Variants in PHACTR2 observed in about 807,000 individuals in gnomAD.
PHACTR2 encodes chromosome 6 open reading frame 56.
PHACTR2 carries 30 observed loss-of-function variants against 76.0 expected under a neutral mutation model. The ratio of observed to expected loss-of-function variants is 0.39; its 90% CI spans 0.30 to 0.54. The LOEUF (loss-of-function observed/expected upper bound fraction) is 0.54. Ranked by LOEUF, PHACTR2 falls within the 20% of genes least tolerant of loss-of-function variation. The pLI is 0.61. For synonymous variants in PHACTR2, 292 were observed against 292.5 expected (o/e 1.00, Z 0.02); for missense variants, 696 against 781.1 (o/e 0.89, Z 1.30).
intron 1 of PHACTR2, among the ~76,000 whole-genome samples, chr6:143,632,851 C>T (rs973657600): frequency 2.6e-5 from 4 of 152,172 alleles, no homozygotes; most frequent in Admixed American, 6.5e-5. Flanking sequence ...TAGTTGGAAT[C>T]ATATGGTATA....
At chr6:143,740,925 C>T (rs1219610400) in intron 2 of PHACTR2, among the ~76,000 whole-genome samples, 1 of 152,190 alleles carries the variant, frequency 6.6e-6, no homozygotes, top group Non-Finnish European at 1.5e-5. Flanking sequence ...CTCTGTAAGT[C>T]TCAATACCCT....
rs1294847950 is a variant in PHACTR2 at position 143,827,142 on chromosome 6, C to G, written c.*3453C>G. 1 of 81,338 alleles carries G rather than the reference C, an allele frequency of 1.2e-5. No individual in the cohort carries two copies. Among genetic ancestry groups the G allele is most frequent in the African/African-American group, 4.5e-5 (1 of 22,374 alleles). The allele number at this position is 81,338 out of a possible 1,614,324, so 5.0% of individuals were successfully genotyped here. ...TGCAATTAATTCAGGGCTGCGTTGG[C>G]ATTAAAAAAGAAAATATATATATAT... On this transcript the variant is annotated 3_prime_UTR_variant, in exon 13 of 13. Coordinates refer to ENST00000440869, the MANE Select transcript of PHACTR2 (RefSeq NM_001100164.2).
At chr6:143,785,973 G>C (rs376761056) in intron 10 of PHACTR2, among the ~76,000 whole-genome samples, 29 of 152,286 alleles carry the variant, frequency 1.9e-4, no homozygotes, top group African/African-American at 6.7e-4. Flanking sequence ...GACATGGCCT[G>C]GAGACATTTT....
intron 1 of PHACTR2, among the ~76,000 whole-genome samples, chr6:143,560,691 G>T (rs142959615): frequency 6.6e-6 from 1 of 152,288 alleles, no homozygotes; most frequent in Non-Finnish European, 1.5e-5. Flanking sequence ...GCCAAGAGAG[G>T]TCACCCAGAG....
intron 3 of PHACTR2, among the ~76,000 whole-genome samples, chr6:143,749,705 C>T (rs967521841): frequency 2.6e-5 from 4 of 151,898 alleles, no homozygotes; most frequent in South Asian, 2.1e-4. Flanking sequence ...TCTATCCTCC[C>T]GAGGAGGAAC....
upstream of PHACTR2, chr6:143,608,068 G>A (rs761229042): frequency 1.4e-5 from 8 of 560,004 alleles, no homozygotes; most frequent in Non-Finnish European, 2.2e-5. The surrounding 1 kb of genome is among the most constrained non-coding windows in gnomAD (Gnocchi z 4.6). Flanking sequence ...AACCCCAGGG[G>A]ATTCAAGTAC....
In PHACTR2 at chr6:143,544,572, G is replaced by A. The variant is rs534981537; in HGVS notation, c.217+7365G>A. ...CATAGGATTATTGTGAGGCTGAAAT[G>A]TGTGAAAAGTGCTTTTGAACTTTAA... On this transcript the variant is annotated intron_variant, in intron 1 of 11. Transcript: ENST00000367584. 4.6e-5 allele frequency among the ~76,000 whole-genome samples: 7 copies of A among 152,342 alleles called. No homozygotes were observed. In the South Asian group the frequency reaches 1.0e-3, roughly 23 times the overall value.
rs1777356229 is a variant in PHACTR2 at position 143,680,112 on chromosome 6, C to G, written c.46+1903C>G. On this transcript the variant is annotated intron_variant, in intron 1 of 12. Coordinates refer to ENST00000440869, the MANE Select transcript of PHACTR2 (RefSeq NM_001100164.2). This position sits in a 1 kb window ranked among gnomAD's most constrained non-coding sequence, Gnocchi z 4.5. ...TAAATCCGTTAGAGCTACCCTGTTT[C>G]CCTGAAGGTTTGCCATCAGATTCCA... Among the ~76,000 whole-genome samples, 2 of 151,718 alleles carry G rather than the reference C, an allele frequency of 1.3e-5. No individual in the cohort carries two copies. The highest frequency in any genetic ancestry group is 4.1e-4 in the South Asian group (2 of 4,824).
intron 1 of PHACTR2, among the ~76,000 whole-genome samples, chr6:143,637,078 C>T (rs1407976422): frequency 2.0e-5 from 3 of 152,106 alleles, no homozygotes; most frequent in Admixed American, 6.6e-5. Context: ...CCATGGTGGC[C>T]TTCAGTGGTA....
Position 143,793,903 on chromosome 6 carries a change from C to T in PHACTR2, c.1845+4993C>T, listed in dbSNP as rs1246066875. The stretch of plus-strand genomic sequence containing the variant: ...TCCAGCCTGGGCAACAGAGCTAGAC[C>T]TTATCTCAAAATAAATAAATAAATA... On this transcript the variant is annotated intron_variant, in intron 11 of 12. Coordinates refer to ENST00000440869, the MANE Select transcript of PHACTR2 (RefSeq NM_001100164.2). The surrounding 1 kb of genome is among the most constrained non-coding windows in gnomAD (Gnocchi z 4.4). Among the ~76,000 whole-genome samples the T allele has an allele frequency of 6.6e-6, 1 of 151,764 alleles. No homozygotes were observed. The highest frequency in any genetic ancestry group is 1.9e-4 in the East Asian group (1 of 5,184).
At position 143,551,555 on chromosome 6, in the gene PHACTR2, A is replaced by C. The variant is rs78173133; in HGVS notation, c.217+14348A>C. Among the ~76,000 whole-genome samples the C allele has an allele frequency of 1.4e-4, 22 of 152,266 alleles. No individual in the cohort carries two copies. In the East Asian group the frequency reaches 4.2e-3, roughly 29 times the overall value. On this transcript the variant is annotated intron_variant, in intron 1 of 11. Coordinates refer to the PHACTR2 transcript ENST00000367584. ...CTGAACAAGATGAGCTGGGTTTCTC[A>C]ACACCCGGACCAGGGCTGTGATGAT... is the stretch of plus-strand genomic sequence containing the variant.
chr6:143,770,752 A>G (rs1775080771), intron 6 of PHACTR2, among the ~76,000 whole-genome samples: 1 of 152,008 alleles, frequency 6.6e-6, no homozygotes, highest in Non-Finnish European at 1.5e-5. Flanking sequence ...TGAAGATTAC[A>G]TTATTTTTGA....
At chr6:143,667,244 T>C (rs1777054542) in intron 1 of PHACTR2, among the ~76,000 whole-genome samples, 1 of 152,206 alleles carries the variant, frequency 6.6e-6, no homozygotes, top group South Asian at 2.1e-4. Flanking sequence ...TATATATCTG[T>C]TTTGGTACCA....
Position 143,580,212 on chromosome 6 carries a change from G to A in PHACTR2, c.217+43005G>A, listed in dbSNP as rs1206121142. On this transcript the variant is annotated intron_variant, in intron 1 of 11. Coordinates refer to the PHACTR2 transcript ENST00000367584. This position sits in a 1 kb window ranked among gnomAD's most constrained non-coding sequence, Gnocchi z 4.2. ...GAAGGGAGTCAACTTGGGGCCGGGCGCAGTGGCTCACTCCTGTAATCCCAG... is the reference window on the plus strand; with the variant it reads ...GAAGGGAGTCAACTTGGGGCCGGGCACAGTGGCTCACTCCTGTAATCCCAG... Among the ~76,000 whole-genome samples, 1 of 152,156 alleles carries A rather than the reference G, an allele frequency of 6.6e-6. No individual in the cohort carries two copies. The highest frequency in any genetic ancestry group is 1.5e-5 in the Non-Finnish European group (1 of 68,022).
rs116178859 is a variant in PHACTR2 at position 143,705,748 on chromosome 6, C to T, written c.47-6268C>T. ...ATATCAAGAGTACATACTGTCAGCA[C>T]AGCTTATCACTGGTGATGTGAACCT... On this transcript the variant is annotated intron_variant, in intron 1 of 12. Transcript: ENST00000440869. 8.5e-4 allele frequency among the ~76,000 whole-genome samples: 129 copies of T among 152,250 alleles called. 1 individual carries two copies. Among genetic ancestry groups the T allele is most frequent in the African/African-American group, 2.9e-3 (122 of 41,540 alleles).
intron 2 of PHACTR2, among the ~76,000 whole-genome samples, chr6:143,735,295 A>C (rs1176635444): frequency 6.6e-6 from 1 of 152,242 alleles, no homozygotes; most frequent in East Asian, 1.9e-4. Context: ...ATAATAAAAA[A>C]ACATGATTGG....
At chr6:143,769,831 A>G (rs899591808) in intron 6 of PHACTR2, among the ~76,000 whole-genome samples, 1 of 152,168 alleles carries the variant, frequency 6.6e-6, no homozygotes, top group African/African-American at 2.4e-5. Flanking sequence ...CAATTCAAAC[A>G]AGAATGGCTT....
At chr6:143,644,647 GTAT>G (rs1209733685) in intron 1 of PHACTR2, among the ~76,000 whole-genome samples, 2 of 151,514 alleles carry the variant, frequency 1.3e-5, no homozygotes, top group East Asian at 3.9e-4. Context: ...GTCAGGATAT[GTAT>G]TATAATCAAT....
intron 6 of PHACTR2, among the ~76,000 whole-genome samples, chr6:143,771,035 G>A (rs1234708106): frequency 7.0e-6 from 1 of 142,490 alleles, no homozygotes; most frequent in South Asian, 2.2e-4. Flanking sequence ...TATGTTACAA[G>A]AGGCAGTTTT....
Sources: gnomAD v4.1 joint callset for allele counts (sites outside exome capture counted in the v4.1 genomes callset) on GRCh38, gnomAD v4.1.1 for gene constraint, Gnocchi (gnomAD v3.1) non-coding constraint, MANE v1.5 for transcripts, NCBI Gene and HGNC (gene_info 2026-07-23, HGNC 2026-07-21) for gene names.